The following METTL15 variants were observed in gnomAD, a reference collection of about 807,000 sequenced individuals.
METTL15 encodes 12S rRNA N(4)-cytidine methyltransferase METTL15.
Under a neutral mutation model 38.3 loss-of-function variants are expected in METTL15, and 34 were observed. That is an observed-to-expected ratio of 0.89 (90% CI 0.68 to 1.18). The LOEUF is 1.18. Ranked by LOEUF, METTL15 falls within the 50% of genes most tolerant of loss-of-function variation. METTL15 has a pLI of 0.00. For synonymous variants in METTL15, 162 were observed against 170.9 expected (o/e 0.95, Z 0.41); for missense variants, 438 against 498.4 (o/e 0.88, Z 1.15).
rs371422960 is a variant in METTL15 at position 28,193,969 on chromosome 11, A to G, written c.271-17093A>G. Among the ~76,000 whole-genome samples, 1,164 of 151,582 alleles carry G rather than the reference A, an allele frequency of 7.7e-3. 15 individuals carry two copies. Among genetic ancestry groups the G allele is most frequent in the Non-Finnish European group, 0.011 (718 of 67,820 alleles). On this transcript the variant is annotated intron_variant, in intron 3 of 6. Coordinates refer to ENST00000407364, the MANE Select transcript of METTL15 (RefSeq NM_001113528.2). ...TTTCCTACTTGAATCTTTTTTTCTT[A>G]GGGTTATCTATTTTGTTCAAGGTTG...
In METTL15 at chr11:28,460,829, A is replaced by G. The variant is rs770172727; in HGVS notation, c.*424+36465A>G. Among the ~76,000 whole-genome samples the G allele has an allele frequency of 4.6e-5, 7 of 152,208 alleles. No homozygotes were observed. In the South Asian group the frequency reaches 1.2e-3, roughly 27 times the overall value. Reference sequence around the variant, plus strand: ...ATTAGGTTTCCTAGTTAAGAGGTGCAGCAGGCTCCTCTAAAGTAGGAGGAT... The same window carrying G: ...ATTAGGTTTCCTAGTTAAGAGGTGCGGCAGGCTCCTCTAAAGTAGGAGGAT... On this transcript the variant is annotated intron_variant and NMD_transcript_variant, in intron 6 of 7. Coordinates refer to the METTL15 transcript ENST00000532947.
At chr11:28,142,776 G>T (rs942568798) in intron 3 of METTL15, among the ~76,000 whole-genome samples, 1 of 152,142 alleles carries the variant, frequency 6.6e-6, no homozygotes, top group Non-Finnish European at 1.5e-5. Context: ...TTGAGCAGAG[G>T]ATGTGGGCTA....
At chr11:28,114,453 T>C (rs1347853452) in intron 3 of METTL15, among the ~76,000 whole-genome samples, 1 of 152,154 alleles carries the variant, frequency 6.6e-6, no homozygotes, top group African/African-American at 2.4e-5. Context: ...TGTACAAGTT[T>C]TCTTTTCTTT....
At chr11:28,358,464 T>G (rs1237887774) in intron 4 of METTL15, among the ~76,000 whole-genome samples, 2 of 152,196 alleles carry the variant, frequency 1.3e-5, no homozygotes, top group African/African-American at 4.8e-5. Flanking sequence ...GATGAAAAAT[T>G]AAACAGAACA....
intron 5 of METTL15, among the ~76,000 whole-genome samples, chr11:28,292,049 T>G (rs1046546397): frequency 6.6e-6 from 1 of 151,964 alleles, no homozygotes; most frequent in Non-Finnish European, 1.5e-5. Flanking sequence ...ATACATTTAT[T>G]TATTATTTAT....
At chr11:28,271,195 C>G (rs935610321) in intron 4 of METTL15, among the ~76,000 whole-genome samples, 2 of 152,256 alleles carry the variant, frequency 1.3e-5, no homozygotes, top group African/African-American at 4.8e-5. Context: ...CACACCCCAC[C>G]TAGCAATCCC....
At chr11:28,502,777 A>G (rs1364876325) in intron 6 of METTL15, among the ~76,000 whole-genome samples, 1 of 152,160 alleles carries the variant, frequency 6.6e-6, no homozygotes, top group African/African-American at 2.4e-5. Context: ...AGCTCAGGGT[A>G]CATGATGGAA....
chr11:28,383,618 A>G (rs1590354426), intron 5 of METTL15, among the ~76,000 whole-genome samples: 1 of 152,078 alleles, frequency 6.6e-6, no homozygotes, highest in Non-Finnish European at 1.5e-5. Context: ...CCACAATCTC[A>G]CCAGCATCTG....
chr11:28,221,645 C>T (rs368264710), intron 4 of METTL15, among the ~76,000 whole-genome samples: 108 of 152,228 alleles, frequency 7.1e-4, no homozygotes, highest in African/African-American at 2.3e-3. Flanking sequence ...TTTAGAATTT[C>T]CAGTTTTTCT....
chr11:28,250,202 A>G (rs1261082466), intron 4 of METTL15, among the ~76,000 whole-genome samples: 1 of 151,940 alleles, frequency 6.6e-6, no homozygotes, highest in Non-Finnish European at 1.5e-5. Context: ...ATGTATCTTT[A>G]TGGTAGAATG....
intron 4 of METTL15, among the ~76,000 whole-genome samples, chr11:28,269,564 G>A (rs868262566): frequency 1.3e-5 from 2 of 152,144 alleles, no homozygotes; most frequent in African/African-American, 4.8e-5. Flanking sequence ...CTATGGATAT[G>A]GATGTTGATT....
Position 28,238,872 on chromosome 11 carries a change from T to A in METTL15, c.407+27674T>A, listed in dbSNP as rs183669147. Among the ~76,000 whole-genome samples the A allele has an allele frequency of 4.6e-5, 7 of 152,338 alleles. No individual in the cohort carries two copies. The East Asian group carries it at 1.4e-3, about 29-fold the overall frequency. On this transcript the variant is annotated intron_variant, in intron 4 of 6. Transcript: ENST00000407364. ...CCACAATGCCAAATTCAGTGGTTAG[T>A]TCTGATTTTTCTTAGATAAACACAT...
At chr11:28,297,370 G>C (rs1856778185) in intron 6 of METTL15, among the ~76,000 whole-genome samples, 1 of 151,790 alleles carries the variant, frequency 6.6e-6, no homozygotes, top group Non-Finnish European at 1.5e-5. Flanking sequence ...TTAATATTTT[G>C]GGCAAAAGGA....
intron 3 of METTL15, among the ~76,000 whole-genome samples, chr11:28,340,310 T>A (rs966973869): frequency 5.9e-5 from 9 of 152,090 alleles, no homozygotes; most frequent in African/African-American, 2.2e-4. Flanking sequence ...TATTAAAAAA[T>A]AAGCTACATA....
At chr11:28,531,888 A>G (rs564704868), downstream of METTL15, among the ~76,000 whole-genome samples, 43 of 152,182 alleles carry the variant, frequency 2.8e-4, no homozygotes, top group South Asian at 6.2e-4. Context: ...GAGCAATCTA[A>G]GTGGTTTTAT....
intron 6 of METTL15, among the ~76,000 whole-genome samples, chr11:28,459,990 T>G (rs1246309748): frequency 6.6e-6 from 1 of 152,134 alleles, no homozygotes; most frequent in East Asian, 1.9e-4. Flanking sequence ...GGCCCATTTA[T>G]TTATGTGTTT....
At position 28,242,947 on chromosome 11, in the gene METTL15, C is replaced by T. The variant is rs115650397; in HGVS notation, c.407+31749C>T. Among the ~76,000 whole-genome samples, 406 of 152,054 alleles carry T rather than the reference C, an allele frequency of 2.7e-3. 4 individuals are homozygous for T. The highest frequency in any genetic ancestry group is 8.8e-3 in the African/African-American group (364 of 41,508). ...GATGATATAAGTGTCCGTCATTGAG[C>T]GAGTGTTCTTTTGAAAGGTGCTAAT... On this transcript the variant is annotated intron_variant, in intron 4 of 6. Coordinates refer to ENST00000407364, the MANE Select transcript of METTL15 (RefSeq NM_001113528.2).
chr11:28,363,724 C>A (rs1590345565), intron 5 of METTL15, among the ~76,000 whole-genome samples: 1 of 152,234 alleles, frequency 6.6e-6, no homozygotes, highest in South Asian at 2.1e-4. Flanking sequence ...GTTTTTGTTG[C>A]AATTGCTTTT....
intron 3 of METTL15, among the ~76,000 whole-genome samples, chr11:28,183,067 T>C (rs980234462): frequency 1.3e-5 from 2 of 152,104 alleles, no homozygotes; most frequent in Admixed American, 6.6e-5. Flanking sequence ...TTGTCTGTTA[T>C]TGGTGTATAG....
Sources: allele counts gnomAD v4.1 joint callset (sites outside exome capture counted in the v4.1 genomes callset), GRCh38; gene constraint gnomAD v4.1.1; transcripts MANE v1.5; gene names NCBI Gene and HGNC (gene_info 2026-07-23, HGNC 2026-07-21).